TRIM41: variants seen among roughly 807,000 people sequenced by gnomAD.
The protein encoded by TRIM41 is tripartite motif containing 41, also known as E3 ubiquitin-protein ligase TRIM41.
In TRIM41, 21 loss-of-function variants were observed where a neutral mutation model predicts 60.6. The ratio of observed to expected loss-of-function variants is 0.35; its 90% CI spans 0.25 to 0.50. TRIM41 has a LOEUF of 0.50. Among genes scored for constraint, TRIM41 ranks in the 20% least tolerant of loss-of-function variants. TRIM41 has a pLI of 0.98. For synonymous variants in TRIM41, 407 were observed against 344.9 expected (o/e 1.18, Z -2.00); for missense variants, 846 against 868.3 (o/e 0.97, Z 0.32).
intron 2 of TRIM41, 93 bp from the exon 3 acceptor site, chr5:181,232,566 T>G: frequency 8.0e-7 from 1 of 1,243,954 alleles, no homozygotes; most frequent in Non-Finnish European, 1.1e-6. Context: ...GTAGGGCTCC[T>G]TTGCCTTGCA....
rs774566959 is a variant in TRIM41 at position 181,230,834 on chromosome 5, C to T, written c.904C>T (p.Leu302=). Residue 302 remains leucine, a synonymous_variant, in exon 2 of 6, where the codon CTG becomes TTG. Coordinates refer to ENST00000315073, the MANE Select transcript of TRIM41 (RefSeq NM_033549.5). ...KAKEERRVTE[L]KSQMKSELAA... ...CAAGGAGGAGAGGCGAGTGACAGAA[C>T]TGAAGGTGGGTGAATGTTCTCGACG... 2.5e-6 allele frequency: 4 copies of T among 1,612,490 alleles called. No individual in the cohort carries two copies. The South Asian group carries it at 4.4e-5, about 18-fold the overall frequency.
chr5:181,230,905 ACT>A lies in TRIM41; in HGVS notation c.909+70_909+71del, dbSNP rs1205955552. 10 of 1,417,218 alleles carry A rather than the reference ACT, an allele frequency of 7.1e-6. No individual in the cohort carries two copies. The East Asian group carries it at 2.3e-4, about 33-fold the overall frequency. The allele number at this position is 1,417,218 out of a possible 1,614,324, so 87.8% of individuals were successfully genotyped here. On this transcript the variant is annotated intron_variant, in intron 2 of 5. Transcript: ENST00000315073. ...CGAGGCAAGGAAGGTAGGGCTTCCC[ACT>A]CTCACAGGGAGTGACTTGGTCCCCT...
intron 2 of TRIM41, chr5:181,231,704 CT>C (rs1262935564): frequency 6.6e-6 from 1 of 152,334 alleles, no homozygotes; most frequent in Non-Finnish European, 1.5e-5. Context: ...CAAGTTGATA[CT>C]TTTGGGCTCT....
chr5:181,233,394 T>C lies in TRIM41; in HGVS notation c.1141-19T>C, dbSNP rs1463936542. The C allele has an allele frequency of 5.0e-6, 8 of 1,613,324 alleles. No individual in the cohort carries two copies. The East Asian group carries it at 1.6e-4, about 31-fold the overall frequency. On this transcript the variant is annotated intron_variant, in intron 3 of 5. Coordinates refer to ENST00000315073, the MANE Select transcript of TRIM41 (RefSeq NM_033549.5). This position sits in a 1 kb window ranked among gnomAD's most constrained non-coding sequence, Gnocchi z 4.1. ...TATCTCTTTCTCCCTCTCCCTCTTTTTGTTTCTCTTATTCCCAGGACATCA... is the reference window on the plus strand; with the variant it reads ...TATCTCTTTCTCCCTCTCCCTCTTTCTGTTTCTCTTATTCCCAGGACATCA...
rs187168610 is a variant in TRIM41, at chr5:181,233,482, C to T, written c.1163+47C>T. Reference sequence around the variant, plus strand: ...TTCGTGACCCAGTGGCATCTGGTTCCCTGTCCCTGCTTCTCTTCGGTATCC... The same window carrying T: ...TTCGTGACCCAGTGGCATCTGGTTCTCTGTCCCTGCTTCTCTTCGGTATCC... On this transcript the variant is annotated intron_variant, in intron 4 of 5. Transcript: ENST00000315073. The surrounding 1 kb of genome is among the most constrained non-coding windows in gnomAD (Gnocchi z 4.1). 218 of 1,614,094 alleles carry T rather than the reference C, an allele frequency of 1.4e-4. No individual in the cohort carries two copies. The highest frequency in any genetic ancestry group is 1.7e-4 in the Non-Finnish European group (198 of 1,179,984).
chr5:181,228,853 G>T (rs1039946781), intron 1 of TRIM41: 4 of 138,716 alleles, frequency 2.9e-5, no homozygotes, highest in African/African-American at 1.1e-4. Context: ...AGAATTGCTT[G>T]AACCCAGGAG....
rs1337620050 is a variant in TRIM41 at position 181,232,853 on chromosome 5, G to C, written c.1104G>C (p.Gln368His). 1.9e-6 allele frequency: 3 copies of C among 1,551,818 alleles called. No individual in the cohort carries two copies. The highest frequency in any genetic ancestry group is 2.6e-6 in the Non-Finnish European group (3 of 1,151,526). Residue 368 changes from glutamine (Q) to histidine (H), a missense_variant, in exon 3 of 6, where the codon CAG (glutamine) becomes CAC (histidine). Gln to His is a conservative substitution (Grantham distance 24, BLOSUM62 0). Coordinates refer to ENST00000315073, the MANE Select transcript of TRIM41 (RefSeq NM_033549.5). ...AQLSRLLAEAQERSQQGGLRL... is the reference protein window; with the variant it reads ...AQLSRLLAEAHERSQQGGLRL... ...TCAGCCGCCTGCTGGCAGAGGCCCA[G>C]GAGCGGAGCCAGCAGGGGGGTCTCC...
rs1561664929 is a variant in TRIM41 at position 181,223,329 on chromosome 5, G to A, written c.-671G>A. ...GTACCGGCTGCAGTCGGCTGTGCCG[G>A]GAGGGTAGGATGGCGTCTGGCCGAT... On this transcript the variant is annotated 5_prime_UTR_variant, in exon 1 of 6. Transcript: ENST00000315073. The A allele has an allele frequency of 2.5e-6, 1 of 399,392 alleles. No individual in the cohort carries two copies. Among genetic ancestry groups the A allele is most frequent in the East Asian group, 3.6e-5 (1 of 28,078 alleles). 24.7% of individuals were successfully genotyped at this position (399,392 alleles called of 1,614,324 possible).
At position 181,233,062 on chromosome 5, in the gene TRIM41, G is replaced by A; in HGVS notation, c.1140+173G>A. 1 of 769,232 alleles carries A rather than the reference G, an allele frequency of 1.3e-6. No homozygotes were observed. The highest frequency in any genetic ancestry group is 1.5e-5 in the South Asian group (1 of 68,040). The allele number at this position is 769,232 out of a possible 1,614,324, so 47.7% of individuals were successfully genotyped here. On this transcript the variant is annotated intron_variant, in intron 3 of 5. Transcript: ENST00000315073. This position sits in a 1 kb window ranked among gnomAD's most constrained non-coding sequence, Gnocchi z 4.1. ...GGAAACAGAGTTAATGTCGAATGTG[G>A]TATGTGTGGCGATTATACCCAGTGA...
intron 1 of TRIM41, chr5:181,228,636 T>C (rs1758656314): frequency 6.6e-6 from 1 of 151,052 alleles, no homozygotes; most frequent in Admixed American, 6.6e-5. Context: ...AATTTTTGTT[T>C]TTGTCAGCAA....
In TRIM41 at chr5:181,233,455, C is replaced by T. The variant is rs745721622; in HGVS notation, c.1163+20C>T. 6.2e-7 allele frequency: 1 copy of T among 1,613,996 alleles called. No homozygotes were observed. The highest frequency in any genetic ancestry group is 1.3e-5 in the African/African-American group (1 of 74,882). The stretch of plus-strand genomic sequence containing the variant: ...CAATAGGTGTGTTCCCAGTCTTTGC[C>T]CTTCGTGACCCAGTGGCATCTGGTT... On this transcript the variant is annotated intron_variant, in intron 4 of 5. Coordinates refer to ENST00000315073, the MANE Select transcript of TRIM41 (RefSeq NM_033549.5). The surrounding 1 kb of genome is among the most constrained non-coding windows in gnomAD (Gnocchi z 4.1).
intron 2 of TRIM41, chr5:181,231,087 A>C: frequency 2.6e-6 from 1 of 377,648 alleles, no homozygotes; most frequent in Non-Finnish European, 5.1e-6. Context: ...TGCCTGGCCC[A>C]AGGCTGCAGA....
intron 1 of TRIM41, 182 bp downstream of exon 1, chr5:181,224,994 C>T (rs773913448): frequency 2.0e-5 from 15 of 737,818 alleles, no homozygotes; most frequent in Non-Finnish European, 3.1e-5. Flanking sequence ...ATTCTGTACA[C>T]AGAGCAGATG....
intron 2 of TRIM41, 113 bp downstream of exon 2, chr5:181,230,952 C>A: frequency 1.1e-6 from 1 of 902,188 alleles, no homozygotes; most frequent in East Asian, 2.6e-5. Flanking sequence ...ACAGCTAAGG[C>A]CTGGGAGAGG....
chr5:181,224,659 C>T lies in TRIM41; in HGVS notation c.660C>T (p.Arg220=), dbSNP rs1442776175. ...QMHPTPGRGS[R]VTDQGICPKH... ...ACCCAACCCCTGGTCGAGGGAGCCG[C>T]GTGACCGATCAGGGCATCTGTCCCA... Residue 220 remains arginine, a synonymous_variant, in exon 1 of 6, where the codon CGC becomes CGT. Coordinates refer to ENST00000315073, the MANE Select transcript of TRIM41 (RefSeq NM_033549.5). The T allele has an allele frequency of 1.9e-6, 3 of 1,614,236 alleles. No homozygotes were observed. Among genetic ancestry groups the T allele is most frequent in the African/African-American group, 1.3e-5 (1 of 75,062 alleles).
chr5:181,223,906 TG>T lies in TRIM41; in HGVS notation c.-89del. ...GGGGCGAGGTGTGGAGGGGCAGGGC[TG>T]GGGGTGGAGCCGGGTCGCCAGGGCG... is the stretch of plus-strand genomic sequence containing the variant. On this transcript the variant is annotated 5_prime_UTR_variant, in exon 1 of 6. Transcript: ENST00000315073. 6 of 1,345,154 alleles carry T rather than the reference TG, an allele frequency of 4.5e-6. No homozygotes were observed. Among genetic ancestry groups the T allele is most frequent in the Non-Finnish European group, 5.1e-6 (5 of 983,018 alleles). The allele number at this position is 1,345,154 out of a possible 1,614,324, so 83.3% of individuals were successfully genotyped here. A position where few individuals can be genotyped will look rare whatever the true frequency, so the allele number is the denominator to read the frequency against.
In TRIM41 at chr5:181,234,379, G is replaced by T; in HGVS notation, c.1497G>T (p.Ala499=). Residue 499 remains alanine (A), a synonymous_variant, in exon 6 of 6, where the codon GCG becomes GCT. Coordinates refer to ENST00000315073, the MANE Select transcript of TRIM41 (RefSeq NM_033549.5). This position sits in a 1 kb window ranked among gnomAD's most constrained non-coding sequence, Gnocchi z 5.6. ...AGGTGGGCGGGCGGCGGGGCTGGGC[G>T]GTGGGTGCTGCCCGTGAATCAACCC... ...EVEVGGRRGW[A]VGAARESTHH... The T allele has an allele frequency of 6.4e-7, 1 of 1,550,542 alleles. No individual in the cohort carries two copies. Among genetic ancestry groups the T allele is most frequent in the Non-Finnish European group, 8.7e-7 (1 of 1,148,242 alleles).
chr5:181,232,043 C>G (rs1222109199), intron 2 of TRIM41: 1 of 152,230 alleles, frequency 6.6e-6, no homozygotes, highest in East Asian at 1.9e-4. Context: ...GAGTTCTGAT[C>G]TGGGGCTTTT....
Position 181,234,548 on chromosome 5 carries a change from G to C in TRIM41, c.1666G>C (p.Gly556Arg), listed in dbSNP as rs1222277314. 2 of 1,614,090 alleles carry C rather than the reference G, an allele frequency of 1.2e-6. No individual in the cohort carries two copies. The highest frequency in any genetic ancestry group is 1.7e-6 in the Non-Finnish European group (2 of 1,180,030). Reference sequence around the variant, plus strand: ...GGAAGTGTGGTGCGTGGGCACCAACGGCAAACGCTATCAGGCCCAGAGCTC... The same window carrying C: ...GGAAGTGTGGTGCGTGGGCACCAACCGCAAACGCTATCAGGCCCAGAGCTC... ...QREVWCVGTN[G>R]KRYQAQSSTE... Residue 556 changes from glycine to arginine, a missense_variant, in exon 6 of 6, where the codon GGC (glycine) becomes CGC (arginine). Physicochemically the swap from Gly to Arg is moderately radical, Grantham distance 125. Coordinates refer to ENST00000315073, the MANE Select transcript of TRIM41 (RefSeq NM_033549.5). This position sits in a 1 kb window ranked among gnomAD's most constrained non-coding sequence, Gnocchi z 5.6.
Sources: gnomAD v4.1 joint callset for allele counts on GRCh38, gnomAD v4.1.1 for gene constraint, Gnocchi (gnomAD v3.1) non-coding constraint, MANE v1.5 for transcripts, NCBI Gene and HGNC (gene_info 2026-07-23, HGNC 2026-07-21) for gene names.